Variants in CDH18 observed in about 807,000 individuals in gnomAD.
The protein encoded by CDH18 is cadherin-18.
Under a neutral mutation model 67.9 loss-of-function variants are expected in CDH18, and 31 were observed. The ratio of observed to expected loss-of-function variants is 0.46; its 90% CI spans 0.34 to 0.62. The LOEUF (loss-of-function observed/expected upper bound fraction) is 0.62, where lower values mean the gene tolerates loss of function less well. Ranked by LOEUF, CDH18 falls within the 20% of genes least tolerant of loss-of-function variation. The pLI is 0.01. For missense variants in CDH18, 890 were observed against 975.5 expected, an observed-to-expected ratio of 0.91 and a Z score of 1.17; for synonymous variants, 362 against 347.2, an observed-to-expected ratio of 1.04 and a Z score of -0.48.
At chr5:19,941,600 A>G (rs561571789) in intron 2 of CDH18, among the ~76,000 whole-genome samples, 2 of 152,058 alleles carry the variant, frequency 1.3e-5, no homozygotes, top group Admixed American at 1.3e-4. Context: ...TAGGCAACAT[A>G]GCGAGACCCC....
chr5:20,527,989 T>A (rs1285790540), intron 1 of CDH18, among the ~76,000 whole-genome samples: 1 of 151,944 alleles, frequency 6.6e-6, no homozygotes, highest in Non-Finnish European at 1.5e-5. Context: ...ATGACAAGAC[T>A]CATTGGTGTG....
intron 2 of CDH18, among the ~76,000 whole-genome samples, chr5:20,250,532 C>A (rs1743764022): frequency 6.8e-6 from 1 of 147,596 alleles, no homozygotes; most frequent in South Asian, 2.1e-4. Flanking sequence ...ACCTCGTGAT[C>A]CGCCCACCTC....
chr5:20,267,029 A>C (rs369159522), intron 1 of CDH18, among the ~76,000 whole-genome samples: 4 of 152,192 alleles, frequency 2.6e-5, no homozygotes, highest in Non-Finnish European at 5.9e-5. Flanking sequence ...TCAATGTTTG[A>C]AGATCAGATA....
chr5:19,880,217 A>G (rs541064055), intron 2 of CDH18, among the ~76,000 whole-genome samples: 2 of 152,104 alleles, frequency 1.3e-5, no homozygotes, highest in Admixed American at 6.6e-5. Context: ...TTAGATGGAT[A>G]TAAGACATGA....
chr5:19,844,279 G>T (rs530528664), intron 2 of CDH18, among the ~76,000 whole-genome samples: 2 of 152,108 alleles, frequency 1.3e-5, no homozygotes, highest in African/African-American at 4.8e-5. Context: ...TCCCCATTTT[G>T]GGGGAGGGAC....
At chr5:19,867,580 C>T (rs950925211) in intron 2 of CDH18, among the ~76,000 whole-genome samples, 4 of 116,072 alleles carry the variant, frequency 3.4e-5, no homozygotes, top group African/African-American at 1.3e-4. Flanking sequence ...TTATGAATGA[C>T]ATATTGCTTG....
At chr5:20,349,917 C>A (rs1167528628) in intron 1 of CDH18, among the ~76,000 whole-genome samples, 1 of 152,112 alleles carries the variant, frequency 6.6e-6, no homozygotes, top group Non-Finnish European at 1.5e-5. Context: ...CAGCATCATG[C>A]ACAGCAGTTT....
At chr5:19,872,858 G>A (rs1190919588) in intron 2 of CDH18, among the ~76,000 whole-genome samples, 2 of 152,148 alleles carry the variant, frequency 1.3e-5, no homozygotes, top group East Asian at 3.9e-4. Flanking sequence ...GGCCTCTCTG[G>A]AGATGAGAAT....
chr5:20,267,873 G>C (rs1007765798), intron 1 of CDH18, among the ~76,000 whole-genome samples: 5 of 152,180 alleles, frequency 3.3e-5, no homozygotes, highest in Admixed American at 2.6e-4. Flanking sequence ...TGACAGTGAA[G>C]TTTGAATATG....
intron 2 of CDH18, among the ~76,000 whole-genome samples, chr5:19,908,151 G>T (rs1458365841): frequency 6.6e-6 from 1 of 151,940 alleles, no homozygotes. Context: ...AAAATTATCA[G>T]AAATACTTAA....
At chr5:20,194,028 T>C (rs1180183421) in intron 2 of CDH18, among the ~76,000 whole-genome samples, 6 of 152,072 alleles carry the variant, frequency 3.9e-5, no homozygotes, top group Non-Finnish European at 7.4e-5. Flanking sequence ...TCTTGTAACT[T>C]TGAACAATTG....
intron 2 of CDH18, among the ~76,000 whole-genome samples, chr5:20,103,826 GAGA>G (rs892509080): frequency 2.0e-5 from 3 of 147,114 alleles, no homozygotes; most frequent in Non-Finnish European, 4.5e-5. Context: ...AAAAAAACTT[GAGA>G]AGAAGAAATG....
chr5:20,082,292 T>C (rs1744548710), intron 2 of CDH18, among the ~76,000 whole-genome samples: 1 of 152,048 alleles, frequency 6.6e-6, no homozygotes, highest in African/African-American at 2.4e-5. Flanking sequence ...ACAGCAAGAG[T>C]TTAAGAAGAG....
intron 2 of CDH18, among the ~76,000 whole-genome samples, chr5:20,171,039 C>CTT (rs59141932): frequency 1.9e-5 from 2 of 105,312 alleles, no homozygotes; most frequent in East Asian, 3.1e-4. Flanking sequence ...ATATGATCTC[C>CTT]TTTTTTTTTT....
chr5:20,534,517 T>C (rs916524422), intron 1 of CDH18, among the ~76,000 whole-genome samples: 1 of 152,094 alleles, frequency 6.6e-6, no homozygotes, highest in Non-Finnish European at 1.5e-5. Context: ...ATCAACTGTT[T>C]ATGAGTAAAA....
At chr5:20,447,230 G>A (rs1406391545) in intron 1 of CDH18, among the ~76,000 whole-genome samples, 1 of 151,486 alleles carries the variant, frequency 6.6e-6, no homozygotes, top group Non-Finnish European at 1.5e-5. Context: ...AGTCAATAAA[G>A]TTATTTACCC....
At chr5:19,938,833 T>G (rs1794538563) in intron 2 of CDH18, among the ~76,000 whole-genome samples, 1 of 151,520 alleles carries the variant, frequency 6.6e-6, no homozygotes, top group Non-Finnish European at 1.5e-5. Flanking sequence ...TAATTTTTAA[T>G]GTACTTAAAT....
At chr5:19,657,457 T>C (rs1277595450) in intron 5 of CDH18, among the ~76,000 whole-genome samples, 6 of 152,116 alleles carry the variant, frequency 3.9e-5, no homozygotes, top group Non-Finnish European at 4.4e-5. Flanking sequence ...GGAATTCATA[T>C]ATCCTTAGAA....
chr5:19,589,536 T>C (rs1010242844), intron 7 of CDH18, among the ~76,000 whole-genome samples: 1 of 152,150 alleles, frequency 6.6e-6, no homozygotes, highest in African/African-American at 2.4e-5. Context: ...TAATATTTAT[T>C]GAATGCCAAC....
Sources: allele counts gnomAD v4.1 joint callset (sites outside exome capture counted in the v4.1 genomes callset), GRCh38; gene constraint gnomAD v4.1.1; transcripts MANE v1.5; gene names NCBI Gene and HGNC (gene_info 2026-07-23, HGNC 2026-07-21).